The following LINGO2 variants were observed in gnomAD, a reference collection of about 807,000 sequenced individuals.
LINGO2 encodes the protein leucine rich repeat and Ig domain containing 2, also known as leucine-rich repeat and immunoglobulin-like domain-containing nogo receptor-interacting protein 2.
A neutral mutation model predicts 30.6 loss-of-function variants in LINGO2; 14 were observed. That is an observed-to-expected ratio of 0.46 (90% CI 0.30 to 0.72). The LOEUF (loss-of-function observed/expected upper bound fraction) is 0.72, where lower values mean the gene tolerates loss of function less well. Among genes scored for constraint, LINGO2 ranks in the 30% least tolerant of loss-of-function variants. LINGO2 has a pLI of 0.07. For missense variants in LINGO2, 729 were observed against 751.7 expected (o/e 0.97, Z 0.35); for synonymous variants, 317 against 288.5 (o/e 1.10, Z -1.00).
At chr9:28,608,802 T>A (rs1009662566) in intron 1 of LINGO2, among the ~76,000 whole-genome samples, 1 of 151,978 alleles carries the variant, frequency 6.6e-6, no homozygotes, top group Non-Finnish European at 1.5e-5. Flanking sequence ...TTTATATTAT[T>A]CCTTGCTTTT....
Position 28,058,321 on chromosome 9 carries a change from A to T in LINGO2, c.-86-45916T>A, listed in dbSNP as rs78529691. Among the ~76,000 whole-genome samples, 1,233 of 152,240 alleles carry T rather than the reference A, an allele frequency of 8.1e-3. 26 individuals are homozygous for T. Among genetic ancestry groups the T allele is most frequent in the African/African-American group, 0.028 (1,155 of 41,522 alleles). On this transcript the variant is annotated intron_variant, in intron 4 of 5. Transcript: ENST00000379992. ...TTTATTAATAGGCCATTTTACAATT[A>T]AGGAAATCTTTAATCTTCATGGATA...
chr9:28,420,668 A>G (rs1010207815), intron 2 of LINGO2, among the ~76,000 whole-genome samples: 2 of 152,078 alleles, frequency 1.3e-5, no homozygotes, highest in Non-Finnish European at 2.9e-5. Flanking sequence ...TTTGTTCTCT[A>G]TAAAAGTAAT....
chr9:28,517,518 G>A (rs1167656641), intron 1 of LINGO2, among the ~76,000 whole-genome samples: 3 of 152,188 alleles, frequency 2.0e-5, no homozygotes, highest in Non-Finnish European at 4.4e-5. Context: ...AACCCAGAAA[G>A]TAGTGCTACC....
intron 4 of LINGO2, among the ~76,000 whole-genome samples, chr9:28,046,479 C>A (rs968474817): frequency 1.3e-5 from 2 of 152,148 alleles, no homozygotes; most frequent in African/African-American, 4.8e-5. Context: ...ACTTTAAGAA[C>A]CTATAATTTA....
At chr9:28,137,104 C>T (rs1461558413) in intron 4 of LINGO2, among the ~76,000 whole-genome samples, 1 of 151,888 alleles carries the variant, frequency 6.6e-6, no homozygotes, top group Non-Finnish European at 1.5e-5. Flanking sequence ...TTGCCAACTG[C>T]AGGGGAGTTG....
the LINGO2 span, among the ~76,000 whole-genome samples, chr9:29,176,356 G>C: frequency 2.6e-5 from 4 of 152,122 alleles, no homozygotes; most frequent in African/African-American, 7.2e-5. Flanking sequence ...GCTAATACCC[G>C]AAACATAGCT....
At chr9:28,251,548 C>A (rs1363307777) in intron 4 of LINGO2, among the ~76,000 whole-genome samples, 3 of 151,824 alleles carry the variant, frequency 2.0e-5, no homozygotes, top group Admixed American at 6.6e-5. Flanking sequence ...CCTGATTATA[C>A]AAAAGGGTAG....
rs144777569 is a variant in LINGO2, at chr9:28,178,218, G to A, written c.-87+116990C>T. Among the ~76,000 whole-genome samples the A allele has an allele frequency of 9.2e-5, 14 of 152,164 alleles. No individual in the cohort carries two copies. The East Asian group carries it at 2.5e-3, about 27-fold the overall frequency. On this transcript the variant is annotated intron_variant, in intron 4 of 5. Transcript: ENST00000379992. The stretch of plus-strand genomic sequence containing the variant: ...GAGTGAAATCAAGCTACAGATACCC[G>A]CAGCTCCCACAGTGTTGTGATAAAA...
chr9:28,972,905 C>A, the LINGO2 span, among the ~76,000 whole-genome samples: 1 of 152,242 alleles, frequency 6.6e-6, no homozygotes, highest in South Asian at 2.1e-4. Context: ...TACCTCCCAC[C>A]AGGTCCCTCC....
the LINGO2 span, among the ~76,000 whole-genome samples, chr9:28,993,187 A>T: frequency 6.6e-6 from 1 of 152,134 alleles, no homozygotes; most frequent in Non-Finnish European, 1.5e-5. Context: ...AGGGGATATC[A>T]CCACCAATCC....
the LINGO2 span, among the ~76,000 whole-genome samples, chr9:28,796,293 C>T: frequency 2.6e-5 from 4 of 152,158 alleles, no homozygotes; most frequent in South Asian, 2.1e-4. Context: ...AGAACACTAT[C>T]GCTTTGATAC....
intron 4 of LINGO2, among the ~76,000 whole-genome samples, chr9:28,229,734 C>A (rs1483940894): frequency 1.3e-5 from 2 of 151,618 alleles, no homozygotes; most frequent in African/African-American, 4.8e-5. Context: ...GCTTTCAGTT[C>A]TTTTATCAAT....
At chr9:29,203,992 T>C in the LINGO2 span, among the ~76,000 whole-genome samples, 1 of 152,184 alleles carries the variant, frequency 6.6e-6, no homozygotes, top group Non-Finnish European at 1.5e-5. Flanking sequence ...CAAGACTAAA[T>C]GAATGTAATA....
chr9:28,324,026 C>T (rs1825138166), intron 3 of LINGO2, among the ~76,000 whole-genome samples: 1 of 151,942 alleles, frequency 6.6e-6, no homozygotes. Flanking sequence ...CTTTCTACAG[C>T]TCTTATATAA....
chr9:28,937,791 T>G, the LINGO2 span, among the ~76,000 whole-genome samples: 27 of 152,136 alleles, frequency 1.8e-4, no homozygotes, highest in African/African-American at 5.5e-4. Flanking sequence ...TCATTTTTCT[T>G]TTTTTTTCCA....
At chr9:29,198,243 C>G in the LINGO2 span, among the ~76,000 whole-genome samples, 34 of 152,156 alleles carry the variant, frequency 2.2e-4, no homozygotes, top group Non-Finnish European at 7.4e-5. Flanking sequence ...AAATAGTTGA[C>G]AAGAACCTTC....
At chr9:28,309,696 G>A (rs887288611) in intron 3 of LINGO2, among the ~76,000 whole-genome samples, 3 of 151,692 alleles carry the variant, frequency 2.0e-5, no homozygotes, top group Admixed American at 6.6e-5. Context: ...AAACGTTTTT[G>A]CATTGTGAAA....
chr9:28,013,224 G>A (rs977204507), intron 4 of LINGO2, among the ~76,000 whole-genome samples: 11 of 151,970 alleles, frequency 7.2e-5, no homozygotes, highest in Admixed American at 5.2e-4. Context: ...TTCCACTTTT[G>A]GTCTTTGTAT....
chr9:29,111,703 CA>C, the LINGO2 span, among the ~76,000 whole-genome samples: 1 of 151,318 alleles, frequency 6.6e-6, no homozygotes, highest in Non-Finnish European at 1.5e-5. Context: ...TCTACCTATG[CA>C]GAATGACTAG....
Sources: allele counts gnomAD v4.1 joint callset (sites outside exome capture counted in the v4.1 genomes callset), GRCh38; gene constraint gnomAD v4.1.1; transcripts MANE v1.5; gene names NCBI Gene and HGNC (gene_info 2026-07-23, HGNC 2026-07-21).